Variants in SEMA6D observed in about 807,000 individuals in gnomAD.
SEMA6D encodes semaphorin-6D.
A neutral mutation model predicts 106.6 loss-of-function variants in SEMA6D; 35 were observed. That is an observed-to-expected ratio of 0.33 (90% CI 0.25 to 0.44). SEMA6D has a LOEUF of 0.44. Ranked by LOEUF, SEMA6D falls within the 20% of genes least tolerant of loss-of-function variation. The pLI, the probability that SEMA6D is intolerant of heterozygous loss-of-function variation, is 1.00. For missense variants in SEMA6D, 1,185 were observed against 1,345.9 expected (o/e 0.88, Z 1.87); for synonymous variants, 499 against 487.7 (o/e 1.02, Z -0.31).
At chr15:47,395,289 G>GT (rs1194154083) in intron 1 of SEMA6D, among the ~76,000 whole-genome samples, 1 of 152,154 alleles carries the variant, frequency 6.6e-6, no homozygotes, top group African/African-American at 2.4e-5. Context: ...GGGACTGAGA[G>GT]TTTTAAAATG....
intron 1 of SEMA6D, among the ~76,000 whole-genome samples, chr15:47,384,178 A>G (rs905879942): frequency 9.8e-5 from 15 of 152,338 alleles, no homozygotes; most frequent in African/African-American, 3.6e-4. Flanking sequence ...CCCAGTGACA[A>G]CAGTTGTATT....
chr15:47,555,381 C>T (rs960869613), intron 3 of SEMA6D, among the ~76,000 whole-genome samples: 1 of 152,144 alleles, frequency 6.6e-6, no homozygotes, highest in Non-Finnish European at 1.5e-5. Flanking sequence ...TGAAAACTGA[C>T]AAATTAATTC....
chr15:47,593,145 C>T (rs553421157), intron 3 of SEMA6D, among the ~76,000 whole-genome samples: 1 of 152,248 alleles, frequency 6.6e-6, no homozygotes, highest in African/African-American at 2.4e-5. Context: ...TGGCTCACAC[C>T]TATAATCCCA....
chr15:47,219,875 A>C (rs191299761), intron 1 of SEMA6D, among the ~76,000 whole-genome samples: 12 of 152,300 alleles, frequency 7.9e-5, no homozygotes, highest in Admixed American at 2.0e-4. Flanking sequence ...TCAGTTGGTC[A>C]GTTGTAGAGC....
At chr15:47,471,462 G>C (rs2042835243) in intron 3 of SEMA6D, among the ~76,000 whole-genome samples, 1 of 152,092 alleles carries the variant, frequency 6.6e-6, no homozygotes, top group Admixed American at 6.5e-5. Flanking sequence ...TATACACCTT[G>C]CTTAAACATT....
At chr15:47,511,860 G>GA (rs2044245052) in intron 3 of SEMA6D, among the ~76,000 whole-genome samples, 1 of 152,142 alleles carries the variant, frequency 6.6e-6, no homozygotes. Context: ...TGCTGTGTGA[G>GA]CCATTGCAGT....
chr15:47,560,164 A>G (rs546139401), intron 3 of SEMA6D, among the ~76,000 whole-genome samples: 2 of 152,204 alleles, frequency 1.3e-5, no homozygotes, highest in South Asian at 4.1e-4. Context: ...TATTCAACCA[A>G]AAGTTCCAAA....
intron 4 of SEMA6D, among the ~76,000 whole-genome samples, chr15:47,671,565 C>A (rs1468339607): frequency 6.6e-6 from 1 of 151,716 alleles, no homozygotes; most frequent in Non-Finnish European, 1.5e-5. Flanking sequence ...TCGGGGACTA[C>A]AAATGGAAAG....
At chr15:47,324,934 T>C (rs1417080557) in intron 1 of SEMA6D, among the ~76,000 whole-genome samples, 1 of 151,994 alleles carries the variant, frequency 6.6e-6, no homozygotes, top group Non-Finnish European at 1.5e-5. Flanking sequence ...AAGGCTGTTA[T>C]CTCATTGTAA....
rs147942691 is a variant in SEMA6D at position 47,475,414 on chromosome 15, T to A, written c.-87+4869T>A. Among the ~76,000 whole-genome samples the A allele has an allele frequency of 5.5e-3, 841 of 152,330 alleles. 6 individuals carry two copies. The highest frequency in any genetic ancestry group is 0.015 in the Admixed American group (223 of 15,296). On this transcript the variant is annotated intron_variant, in intron 3 of 19. Transcript: ENST00000558014. ...TCTATTCAAACTCAAGAATTCTAAC[T>A]GTAGAATCCTTTGCAGTGTATCTGA...
intron 1 of SEMA6D, among the ~76,000 whole-genome samples, chr15:47,191,546 C>A (rs574940123): frequency 2.0e-5 from 3 of 152,232 alleles, no homozygotes; most frequent in East Asian, 3.9e-4. Flanking sequence ...GATTAGGAAA[C>A]CTCACTTAAT....
intron 3 of SEMA6D, among the ~76,000 whole-genome samples, chr15:47,560,732 C>A (rs1202269081): frequency 6.6e-6 from 1 of 152,102 alleles, no homozygotes; most frequent in African/African-American, 2.4e-5. Flanking sequence ...TGAGTCTTTG[C>A]AAATGATCAA....
intron 1 of SEMA6D, among the ~76,000 whole-genome samples, chr15:47,197,076 C>G (rs1894411875): frequency 6.6e-6 from 1 of 152,184 alleles, no homozygotes; most frequent in Admixed American, 6.5e-5. Flanking sequence ...TAACCCTCCC[C>G]CTTTCTGTAG....
intron 3 of SEMA6D, among the ~76,000 whole-genome samples, chr15:47,567,644 G>A (rs2046266459): frequency 6.6e-6 from 1 of 152,040 alleles, no homozygotes; most frequent in Admixed American, 6.6e-5. Flanking sequence ...ACTATTCTCT[G>A]TTTTCCTTCA....
At chr15:47,361,346 G>A (rs1035380441) in intron 1 of SEMA6D, among the ~76,000 whole-genome samples, 12 of 152,156 alleles carry the variant, frequency 7.9e-5, no homozygotes, top group Non-Finnish European at 2.9e-5. Context: ...GAGATATTTT[G>A]GACGAGTTTT....
At chr15:47,206,667 G>A (rs1186971942) in intron 1 of SEMA6D, among the ~76,000 whole-genome samples, 1 of 152,088 alleles carries the variant, frequency 6.6e-6, no homozygotes, top group Non-Finnish European at 1.5e-5. Flanking sequence ...ATAAATGCAT[G>A]GTTCTCGGGT....
At chr15:47,406,814 G>A (rs2040585905) in intron 1 of SEMA6D, among the ~76,000 whole-genome samples, 1 of 151,514 alleles carries the variant, frequency 6.6e-6, no homozygotes, top group Admixed American at 6.6e-5. Flanking sequence ...CTTGTGAGGT[G>A]ATAGATAATG....
intron 1 of SEMA6D, among the ~76,000 whole-genome samples, chr15:47,264,181 C>G (rs2034208279): frequency 6.6e-6 from 1 of 151,918 alleles, no homozygotes; most frequent in Admixed American, 6.6e-5. Flanking sequence ...ACAACACACA[C>G]TGGGTCCTAT....
intron 1 of SEMA6D, among the ~76,000 whole-genome samples, chr15:47,186,774 A>G (rs950506243): frequency 6.6e-6 from 1 of 152,164 alleles, no homozygotes; most frequent in African/African-American, 2.4e-5. Context: ...ATCTTCCCAC[A>G]TGACCAATTT....
Sources: gnomAD v4.1 joint callset for allele counts (sites outside exome capture counted in the v4.1 genomes callset) on GRCh38, gnomAD v4.1.1 for gene constraint, MANE v1.5 for transcripts, NCBI Gene and HGNC (gene_info 2026-07-23, HGNC 2026-07-21) for gene names.